Variants in USP24 observed in about 807,000 individuals in gnomAD.
USP24 encodes the protein ubiquitin specific peptidase 24.
A neutral mutation model predicts 361.6 loss-of-function variants in USP24; 97 were observed. The observed-to-expected ratio is 0.27, with a 90% CI of 0.23 to 0.32. The LOEUF (loss-of-function observed/expected upper bound fraction) is 0.32. USP24 is among the 10% of genes least tolerant of loss of function. The probability of loss-of-function intolerance (pLI) is 1.00; values close to 1 mark genes in which losing one functional copy is unlikely to be tolerated. For missense variants in USP24, 2,353 were observed against 3,165.6 expected (o/e 0.74, Z 6.16); for synonymous variants, 1,098 against 1,124.6 (o/e 0.98, Z 0.47).
At chr1:55,151,777 G>T in intron 16 of USP24, 1 of 569,624 alleles carries the variant, frequency 1.8e-6, no homozygotes, top group Non-Finnish European at 2.2e-6. Flanking sequence ...AGGAAATCAA[G>T]GCCAGAATTT....
At chr1:55,135,304 G>A (rs563930137) in intron 28 of USP24, among the ~76,000 whole-genome samples, 2 of 151,972 alleles carry the variant, frequency 1.3e-5, no homozygotes, top group Non-Finnish European at 2.9e-5. Flanking sequence ...AGTTAACTCT[G>A]ACAACCCCAC....
chr1:55,131,546 A>C (rs1038093897), intron 31 of USP24, among the ~76,000 whole-genome samples: 4 of 152,154 alleles, frequency 2.6e-5, no homozygotes, highest in African/African-American at 9.7e-5. Flanking sequence ...TTAGACCAAC[A>C]TGTCTTTTCA....
In USP24 at chr1:55,100,916, A is replaced by C; in HGVS notation, c.5194T>G (p.Phe1732Val). Reference sequence around the variant, plus strand: ...CCAAAGAGAGACTGCACTTGGTAAAACACGCTATCATCTGGATTGTCTGTG... The same window carrying C: ...CCAAAGAGAGACTGCACTTGGTAAACCACGCTATCATCTGGATTGTCTGTG... Reference protein sequence around the residue: ...DDTDNPDDSVFYQVQSLFGHL... With the variant: ...DDTDNPDDSVVYQVQSLFGHL... The change falls in exon 44 of 68, where the codon TTT (phenylalanine) becomes GTT (valine). Residue 1732 changes from phenylalanine (F) to valine (V), a missense_variant. By Grantham distance (50) the Phe-to-Val change is conservative. Coordinates refer to ENST00000294383, the MANE Select transcript of USP24 (RefSeq NM_015306.3). 6.2e-7 allele frequency: 1 copy of C among 1,613,704 alleles called. No homozygotes were observed. The highest frequency in any genetic ancestry group is 8.5e-7 in the Non-Finnish European group (1 of 1,179,754).
At chr1:55,077,679 A>G (rs953223901) in intron 61 of USP24, among the ~76,000 whole-genome samples, 19 of 152,258 alleles carry the variant, frequency 1.2e-4, no homozygotes, top group African/African-American at 4.3e-4. Context: ...TGCTATGAAC[A>G]AAGTACATAA....
At chr1:55,204,110 A>G (rs1251027898) in intron 1 of USP24, among the ~76,000 whole-genome samples, 1 of 152,232 alleles carries the variant, frequency 6.6e-6, no homozygotes, top group East Asian at 1.9e-4. Context: ...CAAAATACTT[A>G]TAATAAACTA....
intron 1 of USP24, among the ~76,000 whole-genome samples, chr1:55,200,901 A>G (rs558088022): frequency 2.0e-5 from 3 of 152,314 alleles, no homozygotes; most frequent in South Asian, 4.1e-4. Flanking sequence ...TGTGTGCAAT[A>G]TTTTTCTATG....
At chr1:55,073,980 C>T in intron 63 of USP24, 74 bp from the exon 64 acceptor site, 1 of 1,256,778 alleles carries the variant, frequency 8.0e-7, no homozygotes, top group East Asian at 2.6e-5. Flanking sequence ...AACAAGCTCT[C>T]TTGTTCTAAA....
intron 59 of USP24, among the ~76,000 whole-genome samples, chr1:55,080,947 C>T (rs1645136573): frequency 6.6e-6 from 1 of 152,108 alleles, no homozygotes; most frequent in Non-Finnish European, 1.5e-5. Context: ...TTTCATTTTG[C>T]ACTGAAGATC....
rs1236842097 is a variant in USP24 at position 55,072,241 on chromosome 1, T to C, written c.7689+76A>G. On this transcript the variant is annotated intron_variant, in intron 66 of 67. Transcript: ENST00000294383. ...CAACTCATACCTCTCTTCTCAGAGGTTGCAGTTTCTGAGAAACACACTGAA... is the reference window on the plus strand; with the variant it reads ...CAACTCATACCTCTCTTCTCAGAGGCTGCAGTTTCTGAGAAACACACTGAA... The C allele has an allele frequency of 1.2e-5, 14 of 1,200,144 alleles. 1 individual carries two copies. Among genetic ancestry groups the C allele is most frequent in the South Asian group, 9.5e-5 (7 of 73,982 alleles). 74.3% of individuals were successfully genotyped at this position (1,200,144 alleles called of 1,614,324 possible).
rs1274089219 is a variant in USP24 at position 55,067,202 on chromosome 1, G to C, written c.*1843C>G. ...TGCAGTCGCCAGCGATGATATCCCA[G>C]TGTGGATCATCGCCAGCATTTCAAG... is the stretch of plus-strand genomic sequence containing the variant. On this transcript the variant is annotated 3_prime_UTR_variant, in exon 68 of 68. Coordinates refer to ENST00000294383, the MANE Select transcript of USP24 (RefSeq NM_015306.3). 1 of 152,148 alleles carries C rather than the reference G, an allele frequency of 6.6e-6. No individual in the cohort carries two copies. The highest frequency in any genetic ancestry group is 1.9e-4 in the East Asian group (1 of 5,190). 9.4% of individuals were successfully genotyped at this position (152,148 alleles called of 1,614,324 possible). A position where few individuals can be genotyped will look rare whatever the true frequency, so the allele number is the denominator to read the frequency against.
Position 55,092,080 on chromosome 1 carries a change from A to G in USP24, c.6497T>C (p.Leu2166Ser). The change falls in exon 54 of 68, where the codon TTA (leucine) becomes TCA (serine). Residue 2166 changes from leucine to serine, a missense_variant. Coordinates refer to ENST00000294383, the MANE Select transcript of USP24 (RefSeq NM_015306.3). ...AAAAAGGAATTGAATAGCAAGCTGT[A>G]AGCTCACCTTTGCCATGCAAGGATA... ...PYYPCMAKVS[L>S]QLAIQFLFQT... The G allele has an allele frequency of 1.9e-6, 3 of 1,612,880 alleles. No individual in the cohort carries two copies. Among genetic ancestry groups the G allele is most frequent in the Non-Finnish European group, 2.5e-6 (3 of 1,179,412 alleles).
At chr1:55,203,135 T>C (rs1285305424) in intron 1 of USP24, among the ~76,000 whole-genome samples, 3 of 152,246 alleles carry the variant, frequency 2.0e-5, no homozygotes, top group Non-Finnish European at 4.4e-5. Flanking sequence ...GTACTATCTG[T>C]GGTTTTCCGC....
At chr1:55,165,266 G>A (rs1648711739) in intron 7 of USP24, among the ~76,000 whole-genome samples, 1 of 152,092 alleles carries the variant, frequency 6.6e-6, no homozygotes, top group Non-Finnish European at 1.5e-5. Context: ...GTACGTAATA[G>A]TTTTTAGTTG....
At position 55,106,095 on chromosome 1, in the gene USP24, T is replaced by C. The variant is rs1044040343; in HGVS notation, c.4880+51A>G. 64 of 1,441,048 alleles carry C rather than the reference T, an allele frequency of 4.4e-5. 2 individuals carry two copies. The highest frequency in any genetic ancestry group is 7.8e-6 in the Non-Finnish European group (8 of 1,030,926). The allele number at this position is 1,441,048 out of a possible 1,614,324, so 89.3% of individuals were successfully genotyped here. A position where few individuals can be genotyped will look rare whatever the true frequency, so the allele number is the denominator to read the frequency against. On this transcript the variant is annotated intron_variant, in intron 41 of 67. Transcript: ENST00000294383. ...TTAACAAAATCTTTTGGGACTGAAG[T>C]TTCAAATTAGAATTTTTACCAAAAC...
At chr1:55,145,887 G>A (rs1647015902) in intron 20 of USP24, 111 bp downstream of exon 20, 2 of 719,992 alleles carry the variant, frequency 2.8e-6, no homozygotes, top group Admixed American at 2.8e-5. Flanking sequence ...AATTCTAGAA[G>A]GATATTCCTA....
At chr1:55,088,852 C>G (rs958139663) in intron 55 of USP24, among the ~76,000 whole-genome samples, 2 of 151,820 alleles carry the variant, frequency 1.3e-5, no homozygotes, top group Non-Finnish European at 2.9e-5. Context: ...GCCAGAAAAG[C>G]AAATTTTTCT....
At chr1:55,138,096 C>T (rs1188072133) in intron 26 of USP24, among the ~76,000 whole-genome samples, 192 bp from the exon 27 acceptor site, 1 of 152,128 alleles carries the variant, frequency 6.6e-6, no homozygotes, top group African/African-American at 2.4e-5. Context: ...TACACTCCAC[C>T]TCCTCCCCAT....
chr1:55,215,090 G>GTGC lies in USP24; in HGVS notation c.21_23dup (p.Gln7dup), dbSNP rs1042878344. On this transcript the variant is annotated inframe_insertion, in exon 1 of 68. Transcript: ENST00000294383. ...AGCCCATGCACAGCAGCGTGGTCAT[G>GTGC]TGCTGCTCCTCCTCCGATTCCATGG... 1 of 1,333,724 alleles carries GTGC rather than the reference G, an allele frequency of 7.5e-7. No individual in the cohort carries two copies. Among genetic ancestry groups the GTGC allele is most frequent in the Non-Finnish European group, 9.7e-7 (1 of 1,032,698 alleles). 82.6% of individuals were successfully genotyped at this position (1,333,724 alleles called of 1,614,324 possible).
chr1:55,208,627 T>C (rs1557712857), intron 1 of USP24, among the ~76,000 whole-genome samples: 1 of 149,074 alleles, frequency 6.7e-6, no homozygotes, highest in Non-Finnish European at 1.5e-5. Flanking sequence ...ACACTCTGTC[T>C]CAAAAAAATA....
Sources: gnomAD v4.1 joint callset for allele counts (sites outside exome capture counted in the v4.1 genomes callset) on GRCh38, gnomAD v4.1.1 for gene constraint, MANE v1.5 for transcripts, NCBI Gene and HGNC (gene_info 2026-07-23, HGNC 2026-07-21) for gene names.